EYS: variants seen among roughly 807,000 people sequenced by gnomAD.
EYS encodes the protein protein eyes shut homolog.
In EYS, 250 loss-of-function variants were observed where a neutral mutation model predicts 282.1. The ratio of observed to expected loss-of-function variants is 0.89; its 90% confidence interval spans 0.80 to 0.98. EYS has a LOEUF of 0.98. Among genes scored for constraint, EYS ranks in the 50% least tolerant of loss-of-function variants. EYS has a pLI of 0.00. For missense variants in EYS, 4,016 were observed against 3,709.0 expected (o/e 1.08, Z -2.15); for synonymous variants, 1,355 against 1,282.9 (o/e 1.06, Z -1.20).
chr6:65,242,382 G>T (rs1037221475), intron 12 of EYS, among the ~76,000 whole-genome samples: 2 of 151,938 alleles, frequency 1.3e-5, no homozygotes, highest in African/African-American at 4.8e-5. Context: ...TGACCAATAT[G>T]TTGTCTTTGT....
chr6:65,332,376 T>C lies in EYS; in HGVS notation c.1766+2604A>G, dbSNP rs935436791. ...GTCATGCTGTATAAACCTTTCTATA[T>C]GTTGCTGAATTTGGTGTGGTATCAC... On this transcript the variant is annotated intron_variant, in intron 11 of 42. Transcript: ENST00000503581. 3 of 1,005,212 alleles carry C rather than the reference T, an allele frequency of 3.0e-6. No individual in the cohort carries two copies. In the Admixed American group the frequency reaches 6.0e-5, roughly 20 times the overall value. The allele number at this position is 1,005,212 out of a possible 1,614,324, so 62.3% of individuals were successfully genotyped here.
At chr6:65,249,914 C>T (rs145888245) in intron 12 of EYS, among the ~76,000 whole-genome samples, 150 of 152,052 alleles carry the variant, frequency 9.9e-4, no homozygotes, top group Non-Finnish European at 1.8e-3. Context: ...ACTGGCAATA[C>T]GTGGTTTCAA....
chr6:65,534,024 T>A (rs749823397), intron 2 of EYS, among the ~76,000 whole-genome samples: 1 of 152,108 alleles, frequency 6.6e-6, no homozygotes, highest in Non-Finnish European at 1.5e-5. Context: ...TTGCTCATAC[T>A]TCTTGTACTT....
At position 64,537,014 on chromosome 6, in the gene EYS, T is replaced by A. The variant is rs1047668033; in HGVS notation, c.5644+53209A>T. 2.0e-5 allele frequency among the ~76,000 whole-genome samples: 3 copies of A among 151,982 alleles called. No homozygotes were observed. In the East Asian group the frequency reaches 5.8e-4, roughly 29 times the overall value. ...TTGTAAAATTTATTTATTTTGTTTT[T>A]TTTTTATTATACTTTAAGTTTTAGG... is the stretch of plus-strand genomic sequence containing the variant. On this transcript the variant is annotated intron_variant, in intron 26 of 42. Transcript: ENST00000503581.
chr6:64,513,591 C>T lies in EYS; in HGVS notation c.5645-74239G>A, dbSNP rs114897657. On this transcript the variant is annotated intron_variant, in intron 26 of 42. Coordinates refer to ENST00000503581, the MANE Select transcript of EYS (RefSeq NM_001142800.2). ...GATAATGGGCAGCTAATGGATAACA[C>T]TAAGAAAATTCCTCATGCCAAGGCA... Among the ~76,000 whole-genome samples the T allele has an allele frequency of 8.0e-3, 1,210 of 151,810 alleles. 13 individuals are homozygous for T. The highest frequency in any genetic ancestry group is 0.027 in the African/African-American group (1,121 of 41,438).
chr6:65,326,724 A>AATCATTT (rs1424921767), intron 11 of EYS, among the ~76,000 whole-genome samples: 53 of 151,690 alleles, frequency 3.5e-4, no homozygotes, highest in Middle Eastern at 3.4e-3. Flanking sequence ...ATCTTTCATA[A>AATCATTT]ATCATTCATT....
At chr6:65,017,481 T>C (rs144497556) in intron 13 of EYS, among the ~76,000 whole-genome samples, 218 of 152,332 alleles carry the variant, frequency 1.4e-3, no homozygotes, top group African/African-American at 5.1e-3. Flanking sequence ...GCAAATGAAT[T>C]GATTTTTATC....
At chr6:64,759,271 CTAAT>C (rs1316358494) in intron 22 of EYS, among the ~76,000 whole-genome samples, 1 of 152,166 alleles carries the variant, frequency 6.6e-6, no homozygotes, top group Non-Finnish European at 1.5e-5. Context: ...GGACTCATCA[CTAAT>C]TATTGTAGTG....
At chr6:64,871,849 G>A (rs1010501023) in intron 19 of EYS, among the ~76,000 whole-genome samples, 1 of 151,874 alleles carries the variant, frequency 6.6e-6, no homozygotes, top group Admixed American at 6.6e-5. Context: ...AGGTTAACAG[G>A]GTCTTTCTGT....
chr6:65,462,388 T>C (rs1175071254), intron 5 of EYS, among the ~76,000 whole-genome samples: 2 of 152,044 alleles, frequency 1.3e-5, no homozygotes, highest in Admixed American at 6.6e-5. Flanking sequence ...ATTATAACGG[T>C]GATTACACAA....
intron 31 of EYS, among the ~76,000 whole-genome samples, chr6:64,107,708 C>G (rs1179533302): frequency 6.6e-6 from 1 of 151,978 alleles, no homozygotes; most frequent in Non-Finnish European, 1.5e-5. Context: ...TCTTTTGCCT[C>G]CTAGTATTCC....
At chr6:64,002,847 T>C (rs1395677067) in intron 33 of EYS, among the ~76,000 whole-genome samples, 2 of 152,238 alleles carry the variant, frequency 1.3e-5, no homozygotes, top group Non-Finnish European at 2.9e-5. Context: ...CTGAGGATGA[T>C]TTTTAAATTG....
intron 22 of EYS, among the ~76,000 whole-genome samples, chr6:64,680,213 C>A (rs1769851232): frequency 6.6e-6 from 1 of 152,146 alleles, no homozygotes; most frequent in African/African-American, 2.4e-5. Context: ...GCAATGGGAA[C>A]AGACTGCCTT....
At chr6:65,503,728 G>A (rs559849204) in intron 2 of EYS, among the ~76,000 whole-genome samples, 1 of 151,708 alleles carries the variant, frequency 6.6e-6, no homozygotes, top group Admixed American at 6.6e-5. Context: ...TTTTGGCTTT[G>A]AATTACATTT....
At chr6:65,207,268 T>G (rs1766059825) in intron 12 of EYS, among the ~76,000 whole-genome samples, 1 of 151,144 alleles carries the variant, frequency 6.6e-6, no homozygotes, top group African/African-American at 2.4e-5. Flanking sequence ...CAATCCTGTT[T>G]AAAATAGCCA....
intron 12 of EYS, among the ~76,000 whole-genome samples, chr6:65,083,739 T>C (rs1035255464): frequency 9.9e-5 from 15 of 151,882 alleles, no homozygotes; most frequent in African/African-American, 3.4e-4. Context: ...ATTCCTTTTA[T>C]TGAGACTGGT....
chr6:64,791,763 C>T (rs2150000777), intron 22 of EYS, among the ~76,000 whole-genome samples: 1 of 151,850 alleles, frequency 6.6e-6, no homozygotes, highest in Non-Finnish European at 1.5e-5. Flanking sequence ...GCTTGAGACA[C>T]ATATTAAAGG....
chr6:65,095,765 T>C (rs933974260), intron 12 of EYS, among the ~76,000 whole-genome samples: 3 of 151,056 alleles, frequency 2.0e-5, no homozygotes, highest in Non-Finnish European at 4.5e-5. Flanking sequence ...ATGGTAAAAT[T>C]TCTCAAAAAC....
intron 29 of EYS, among the ~76,000 whole-genome samples, chr6:64,384,459 C>T (rs1157954192): frequency 6.6e-6 from 1 of 152,066 alleles, no homozygotes; most frequent in Non-Finnish European, 1.5e-5. Flanking sequence ...AAAAAGGTAG[C>T]ATCTTTCTAG....
Sources: gnomAD v4.1 joint callset for allele counts (sites outside exome capture counted in the v4.1 genomes callset) on GRCh38, gnomAD v4.1.1 for gene constraint, MANE v1.5 for transcripts, NCBI Gene and HGNC (gene_info 2026-07-23, HGNC 2026-07-21) for gene names.